The following CPT2 variants were observed in gnomAD, a reference collection of about 807,000 sequenced individuals.
The protein encoded by CPT2 is carnitine O-palmitoyltransferase 2, mitochondrial.
A neutral mutation model predicts 48.6 loss-of-function variants in CPT2; 37 were observed. The ratio of observed to expected loss-of-function variants is 0.76; its 90% CI spans 0.59 to 1.00. The LOEUF (loss-of-function observed/expected upper bound fraction) is 1.00. Among genes scored for constraint, CPT2 ranks in the 50% least tolerant of loss-of-function variants. The pLI is 0.00. For synonymous variants in CPT2, 319 were observed against 326.9 expected, an observed-to-expected ratio of 0.98 and a Z score of 0.26; for missense variants, 772 against 825.6, an observed-to-expected ratio of 0.94 and a Z score of 0.80.
At position 53,197,066 on chromosome 1, in the gene CPT2, C is replaced by T. The variant is rs898278662; in HGVS notation, c.123C>T (p.Pro41=). Residue 41 remains proline (P), a synonymous_variant, in exon 1 of 5, where the codon CCC becomes CCT. Transcript: ENST00000371486. ...AGTACCTGCAGCGCAGCATCGTGCCCACCATGCACTACCAGGACAGCCTGC... is the reference window on the plus strand; with the variant it reads ...AGTACCTGCAGCGCAGCATCGTGCCTACCATGCACTACCAGGACAGCCTGC... ...PGQYLQRSIV[P]TMHYQDSLPR... 1.3e-6 allele frequency: 2 copies of T among 1,539,342 alleles called. No homozygotes were observed. Among genetic ancestry groups the T allele is most frequent in the African/African-American group, 1.4e-5 (1 of 72,994 alleles).
chr1:53,200,674 C>T, intron 1 of CPT2, 45 bp from the exon 2 acceptor site: 1 of 1,417,330 alleles, frequency 7.1e-7, no homozygotes, highest in Non-Finnish European at 1.0e-6. Context: ...TAATTAACCT[C>T]TTCCATATAC....
In CPT2 at chr1:53,210,419, G is replaced by T. The variant is rs2100272595; in HGVS notation, c.745G>T (p.Gly249Ter). ...CAGACACCTCCTGGTCCTAAGGAAA[G>T]GAAATTTTTATATCTTTGATGTCCT... The part of the protein sequence containing the change: ...KARHLLVLRK[G>*]NFYIFDVLDQ... Residue 249 changes from glycine (G) to a stop codon, truncating the protein, a stop_gained, in exon 4 of 5, where the codon GGA becomes TGA. Transcript: ENST00000371486. LOFTEE classifies it high-confidence loss of function. 6.2e-7 allele frequency: 1 copy of T among 1,614,162 alleles called. No individual in the cohort carries two copies.
rs554674074 is a variant in CPT2, at chr1:53,204,285, T to C, written c.340+1856T>C. ...ATTTTCTTTTCTCTCACATTTTTCA[T>C]CTCTTACTCTTTTTGTTACATTTTC... On this transcript the variant is annotated intron_variant, in intron 3 of 4. Coordinates refer to ENST00000371486, the MANE Select transcript of CPT2 (RefSeq NM_000098.3). The C allele has an allele frequency of 7.9e-5, 12 of 152,236 alleles. No individual in the cohort carries two copies. In the South Asian group the frequency reaches 2.3e-3, roughly 29 times the overall value. 9.4% of individuals were successfully genotyped at this position (152,236 alleles called of 1,614,324 possible). A position where few individuals can be genotyped will look rare whatever the true frequency, so the allele number is the denominator to read the frequency against.
chr1:53,200,147 G>T (rs1285701217), intron 1 of CPT2: 1 of 153,458 alleles, frequency 6.5e-6, no homozygotes, highest in African/African-American at 2.4e-5. Flanking sequence ...TTAAGCACAG[G>T]GACTATTTGG....
Position 53,211,879 on chromosome 1 carries a change from G to A in CPT2, c.1645+560G>A, listed in dbSNP as rs577065389. On this transcript the variant is annotated intron_variant, in intron 4 of 4. Coordinates refer to ENST00000371486, the MANE Select transcript of CPT2 (RefSeq NM_000098.3). The stretch of plus-strand genomic sequence containing the variant: ...CTCCCAAAGTTCTAGGAATACAGGC[G>A]TGAGCCACCGCACCTGGCCTTTTTT... Among the ~76,000 whole-genome samples the A allele has an allele frequency of 4.0e-5, 6 of 150,786 alleles. No homozygotes were observed. In the East Asian group the frequency reaches 7.8e-4, roughly 20 times the overall value.
chr1:53,206,108 A>G (rs1023918124), intron 3 of CPT2, among the ~76,000 whole-genome samples: 5 of 150,060 alleles, frequency 3.3e-5, no homozygotes, highest in African/African-American at 1.2e-4. Context: ...GCGTGAACCC[A>G]GGAGGCAGAG....
At chr1:53,200,209 T>C (rs565440253) in intron 1 of CPT2, 1 of 155,612 alleles carries the variant, frequency 6.4e-6, no homozygotes, top group East Asian at 1.9e-4. Context: ...GGTCGATTCC[T>C]ACCTTTTAGT....
chr1:53,202,624 T>C, intron 3 of CPT2, 195 bp downstream of exon 3: 2 of 619,884 alleles, frequency 3.2e-6, no homozygotes, highest in South Asian at 3.5e-5. Flanking sequence ...CTTGAGCCCA[T>C]GCTCAAGAAT....
rs1436061126 is a variant in CPT2, at chr1:53,202,359, G to T, written c.270G>T (p.Gly90=). Residue 90 remains glycine (G), a synonymous_variant, in exon 3 of 5, where the codon GGG becomes GGT. Transcript: ENST00000371486. ...TEQFCKSFEN[G]IGKELHEQLV... is the part of the protein sequence containing the mutation. Reference sequence around the variant, plus strand: ...AATTTTGCAAGAGTTTTGAAAATGGGATTGGAAAAGAACTGCATGAGCAGC... The same window carrying T: ...AATTTTGCAAGAGTTTTGAAAATGGTATTGGAAAAGAACTGCATGAGCAGC... The T allele has an allele frequency of 1.2e-6, 2 of 1,614,070 alleles. No individual in the cohort carries two copies. The highest frequency in any genetic ancestry group is 2.7e-5 in the African/African-American group (2 of 75,012).
At chr1:53,213,159 C>T in intron 4 of CPT2, 105 bp from the exon 5 acceptor site, 2 of 1,117,796 alleles carry the variant, frequency 1.8e-6, no homozygotes, top group Non-Finnish European at 2.7e-6. Flanking sequence ...TTCCCCCACT[C>T]TCAAGGATGC....
chr1:53,209,864 A>G (rs1645410201), intron 3 of CPT2, 151 bp from the exon 4 acceptor site: 4 of 673,380 alleles, frequency 5.9e-6, no homozygotes, highest in Non-Finnish European at 1.0e-5. Context: ...TATGTCTTGA[A>G]TTATTGCAGA....
rs1294086660 is a variant in CPT2 at position 53,210,622 on chromosome 1, G to C, written c.948G>C (p.Arg316Ser). 1.9e-6 allele frequency: 3 copies of C among 1,614,138 alleles called. No homozygotes were observed. The highest frequency in any genetic ancestry group is 2.5e-6 in the Non-Finnish European group (3 of 1,180,034). ...LMSSGNEESLRKVDSAVFCLC... is the reference protein window; with the variant it reads ...LMSSGNEESLSKVDSAVFCLC... ...GTAGTGGCAATGAGGAGAGCCTGAG[G>C]AAAGTGGACTCGGCAGTGTTCTGTC... The change falls in exon 4 of 5, where the codon AGG becomes AGC. Residue 316 changes from arginine (R) to serine (S), a missense_variant. Coordinates refer to ENST00000371486, the MANE Select transcript of CPT2 (RefSeq NM_000098.3).
intron 2 of CPT2, chr1:53,201,561 C>T (rs998671306): frequency 6.5e-6 from 1 of 153,352 alleles, no homozygotes; most frequent in Non-Finnish European, 1.5e-5. Flanking sequence ...TTCAGCCACC[C>T]AGTTTGTGGT....
In CPT2 at chr1:53,196,883, T is replaced by C; in HGVS notation, c.-61T>C. The C allele has an allele frequency of 6.6e-7, 1 of 1,523,208 alleles. No individual in the cohort carries two copies. Among genetic ancestry groups the C allele is most frequent in the Non-Finnish European group, 8.8e-7 (1 of 1,140,898 alleles). The allele number at this position is 1,523,208 out of a possible 1,614,324, so 94.4% of individuals were successfully genotyped here. A position where few individuals can be genotyped will look rare whatever the true frequency, so the allele number is the denominator to read the frequency against. On this transcript the variant is annotated 5_prime_UTR_variant, in exon 1 of 5. Coordinates refer to ENST00000371486, the MANE Select transcript of CPT2 (RefSeq NM_000098.3). The stretch of plus-strand genomic sequence containing the variant: ...TGGGCGCTAACGGCGGCGGCGGCCT[T>C]GTGTTTAGACTCCAGAACTCCCCAC...
At chr1:53,201,597 C>G (rs1044912783) in intron 2 of CPT2, 2 of 153,548 alleles carry the variant, frequency 1.3e-5, no homozygotes, top group Non-Finnish European at 2.9e-5. Flanking sequence ...TCCTAGGAAG[C>G]AAATACAGCA....
In CPT2 at chr1:53,213,542, A is replaced by C; in HGVS notation, c.1924A>C (p.Lys642Gln). The change falls in exon 5 of 5, where the codon AAG becomes CAG. Residue 642 changes from lysine to glutamine, a missense_variant. By Grantham distance (53) the Lys-to-Gln change is moderately conservative. Coordinates refer to ENST00000371486, the MANE Select transcript of CPT2 (RefSeq NM_000098.3). The part of the protein sequence containing the change: ...NAREFLQCVE[K>Q]ALEDMFDALE... ...CCGGGAGTTTCTCCAATGTGTGGAG[A>C]AGGCCTTAGAAGACATGTTTGATGC... 1.2e-6 allele frequency: 2 copies of C among 1,614,196 alleles called. No homozygotes were observed. The highest frequency in any genetic ancestry group is 1.7e-6 in the Non-Finnish European group (2 of 1,180,038).
chr1:53,213,692 G>T lies in CPT2; in HGVS notation c.*97G>T. On this transcript the variant is annotated 3_prime_UTR_variant, in exon 5 of 5. Coordinates refer to ENST00000371486, the MANE Select transcript of CPT2 (RefSeq NM_000098.3). Reference sequence around the variant, plus strand: ...GCCTGTAATCCCAGCATTTTGAGAGGCTGAGGCGGGTGGATCACTTGAGGT... The same window carrying T: ...GCCTGTAATCCCAGCATTTTGAGAGTCTGAGGCGGGTGGATCACTTGAGGT... 1 of 1,137,576 alleles carries T rather than the reference G, an allele frequency of 8.8e-7. No homozygotes were observed. The highest frequency in any genetic ancestry group is 1.3e-6 in the Non-Finnish European group (1 of 781,798). The allele number at this position is 1,137,576 out of a possible 1,614,324, so 70.5% of individuals were successfully genotyped here.
chr1:53,202,543 A>G, intron 3 of CPT2, 114 bp downstream of exon 3: 1 of 819,502 alleles, frequency 1.2e-6, no homozygotes, highest in East Asian at 2.6e-5. Flanking sequence ...CCAGCAAATG[A>G]AGTAACGTCT....
In CPT2 at chr1:53,200,767, A is replaced by C. The variant is rs747516495; in HGVS notation, c.201A>C (p.Ala67=). The C allele has an allele frequency of 3.8e-5, 61 of 1,614,022 alleles. No individual in the cohort carries two copies. Among genetic ancestry groups the C allele is most frequent in the Middle Eastern group, 1.6e-4 (1 of 6,084 alleles). Residue 67 remains alanine, a synonymous_variant, in exon 2 of 5, where the codon GCA becomes GCC. Coordinates refer to ENST00000371486, the MANE Select transcript of CPT2 (RefSeq NM_000098.3). ...ACACCATTAGGAGATACCTCAGTGCACAGAAGCCTCTCTTGAATGATGGCC... is the reference window on the plus strand; with the variant it reads ...ACACCATTAGGAGATACCTCAGTGCCCAGAAGCCTCTCTTGAATGATGGCC... ...LEDTIRRYLS[A]QKPLLNDGQF...
Sources: allele counts gnomAD v4.1 joint callset (sites outside exome capture counted in the v4.1 genomes callset), GRCh38; gene constraint gnomAD v4.1.1; transcripts MANE v1.5; gene names NCBI Gene and HGNC (gene_info 2026-07-23, HGNC 2026-07-21).